PCDHA6: variants seen among roughly 807,000 people sequenced by gnomAD.
The protein encoded by PCDHA6 is protocadherin alpha-6.
A neutral mutation model predicts 60.3 loss-of-function variants in PCDHA6; 55 were observed. The observed-to-expected ratio is 0.91, with a 90% CI of 0.73 to 1.14. The LOEUF (loss-of-function observed/expected upper bound fraction) is 1.14. Among genes scored for constraint, PCDHA6 ranks in the 50% most tolerant of loss-of-function variants. PCDHA6 has a pLI of 0.00. For missense variants in PCDHA6, 1,327 were observed against 1,256.5 expected (o/e 1.06, Z -0.85); for synonymous variants, 652 against 557.9 (o/e 1.17, Z -2.38).
chr5:140,829,414 G>T lies in PCDHA6; in HGVS notation c.1323G>T (p.Leu441Phe), dbSNP rs2150167500. Residue 441 changes from leucine (L) to phenylalanine (F), a missense_variant, in exon 1 of 4, where the codon TTG becomes TTT. Transcript: ENST00000529310. The part of the protein sequence containing the change: ...GSPSLWATAS[L>F]SVEVADMNDN... ...CTTCGCTGTGGGCCACCGCCAGCTTGTCTGTGGAGGTGGCCGACATGAATG... is the reference window on the plus strand; with the variant it reads ...CTTCGCTGTGGGCCACCGCCAGCTTTTCTGTGGAGGTGGCCGACATGAATG... 5.0e-6 allele frequency: 8 copies of T among 1,614,162 alleles called. No homozygotes were observed. In the East Asian group the frequency reaches 1.8e-4, roughly 36 times the overall value.
Position 140,871,175 on chromosome 5 carries a change from C to T in PCDHA6, c.2394+40690C>T, listed in dbSNP as rs782460096. ...GCGGGCGCCGCGAGCCCAGAGGCTG[C>T]GCTGGTGGATGTCAACGTGTACCTG... is the stretch of plus-strand genomic sequence containing the variant. On this transcript the variant is annotated intron_variant, in intron 1 of 3. Transcript: ENST00000529310. 8 of 1,613,402 alleles carry T rather than the reference C, an allele frequency of 5.0e-6. No individual in the cohort carries two copies. In the African/African-American group the frequency reaches 5.3e-5, roughly 11 times the overall value.
At chr5:140,857,733 C>T (rs2044837813) in intron 1 of PCDHA6, 1 of 1,597,494 alleles carries the variant, frequency 6.3e-7, no homozygotes, top group Non-Finnish European at 8.6e-7. Flanking sequence ...GACAACGCTC[C>T]CGCGCTGCTG....
In PCDHA6 at chr5:140,828,423, A is replaced by G. The variant is rs2150155185; in HGVS notation, c.332A>G (p.Asp111Gly). The change falls in exon 1 of 4, where the codon GAC becomes GGC. Residue 111 changes from aspartate to glycine, a missense_variant. Asp to Gly is a moderately conservative substitution (Grantham distance 94, BLOSUM62 -1). Transcript: ENST00000529310. Reference protein sequence around the residue: ...ECSIHLEVIVDRPLQVFHVDV... With the variant: ...ECSIHLEVIVGRPLQVFHVDV... ...AGCATCCACCTGGAGGTGATCGTGG[A>G]CAGGCCGCTGCAGGTTTTCCATGTG... is the stretch of plus-strand genomic sequence containing the variant. The G allele has an allele frequency of 1.8e-5, 29 of 1,614,154 alleles. No homozygotes were observed.
At chr5:140,833,108 C>T (rs1340494019) in intron 1 of PCDHA6, among the ~76,000 whole-genome samples, 2 of 152,180 alleles carry the variant, frequency 1.3e-5, no homozygotes, top group African/African-American at 4.8e-5. Context: ...TTTTGACACT[C>T]TTCAAAGTCA....
intron 1 of PCDHA6, among the ~76,000 whole-genome samples, chr5:140,897,050 G>A (rs1269082503): frequency 6.6e-6 from 1 of 152,014 alleles, no homozygotes; most frequent in Non-Finnish European, 1.5e-5. Flanking sequence ...CTATTCTGCT[G>A]TCAAATACTA....
intron 3 of PCDHA6, among the ~76,000 whole-genome samples, chr5:140,984,944 TC>T (rs1554246626): frequency 6.6e-6 from 1 of 151,930 alleles, no homozygotes; most frequent in Non-Finnish European, 1.5e-5. Flanking sequence ...AAATGTCTAA[TC>T]TTTTTTTTTT....
At chr5:140,882,058 C>G (rs1190027185) in intron 1 of PCDHA6, 4 of 794,854 alleles carry the variant, frequency 5.0e-6, no homozygotes, top group Non-Finnish European at 7.7e-6. Flanking sequence ...CTTACACTTA[C>G]ACGTTCATGC....
intron 1 of PCDHA6, among the ~76,000 whole-genome samples, chr5:140,900,300 A>G (rs1554189024): frequency 6.6e-6 from 1 of 151,644 alleles, no homozygotes; most frequent in Non-Finnish European, 1.5e-5. Flanking sequence ...GTTTTTTTAG[A>G]CAGTCTCACT....
At chr5:140,870,938 C>T in intron 1 of PCDHA6, 5 of 1,613,724 alleles carry the variant, frequency 3.1e-6, no homozygotes, top group East Asian at 2.2e-5. Flanking sequence ...GAATTGCAGC[C>T]GGCGGCGGGC....
chr5:140,896,847 A>G (rs892276664), intron 1 of PCDHA6, among the ~76,000 whole-genome samples: 5 of 152,064 alleles, frequency 3.3e-5, no homozygotes, highest in African/African-American at 4.8e-5. Flanking sequence ...TTTTAATTTT[A>G]TGGGTACATA....
intron 1 of PCDHA6, chr5:140,869,717 C>A: frequency 6.2e-7 from 1 of 1,613,364 alleles, no homozygotes. Context: ...AGAGAGAAAA[C>A]TCCGGAACTT....
chr5:140,952,903 C>T (rs896493880), intron 1 of PCDHA6, among the ~76,000 whole-genome samples: 4 of 152,092 alleles, frequency 2.6e-5, no homozygotes, highest in African/African-American at 7.2e-5. Flanking sequence ...GGGAATCAAG[C>T]TCATCTTACA....
chr5:140,943,346 G>C (rs2153662502), intron 1 of PCDHA6, among the ~76,000 whole-genome samples: 1 of 151,738 alleles, frequency 6.6e-6, no homozygotes, highest in East Asian at 1.9e-4. Context: ...GACAGGATGA[G>C]AGTAGAGGAA....
intron 1 of PCDHA6, chr5:140,876,583 C>T: frequency 1.9e-6 from 3 of 1,614,194 alleles, no homozygotes; most frequent in Non-Finnish European, 2.5e-6. Flanking sequence ...CGTCATTGCC[C>T]TGATTAGCGT....
At chr5:140,895,341 T>C (rs996566433) in intron 1 of PCDHA6, among the ~76,000 whole-genome samples, 5 of 152,186 alleles carry the variant, frequency 3.3e-5, no homozygotes, top group African/African-American at 1.2e-4. Flanking sequence ...TGTTTTACTA[T>C]GCTTTCCAGT....
intron 1 of PCDHA6, chr5:140,853,448 G>C: frequency 1.0e-6 from 1 of 980,734 alleles, no homozygotes; most frequent in Non-Finnish European, 1.2e-6. Context: ...TTGCCTAATA[G>C]GTCTCCTTAT....
chr5:140,842,564 C>A (rs781893579), intron 1 of PCDHA6: 1 of 1,500,320 alleles, frequency 6.7e-7, no homozygotes, highest in South Asian at 1.2e-5. Flanking sequence ...CGCCCTGGAC[C>A]GCGAGAGAGT....
At chr5:140,968,463 A>G (rs1012242019) in intron 1 of PCDHA6, 6 of 1,613,994 alleles carry the variant, frequency 3.7e-6, no homozygotes, top group Middle Eastern at 1.6e-4. Context: ...GTGACTGCCA[A>G]CGTATATGTG....
At position 140,848,366 on chromosome 5, in the gene PCDHA6, G is replaced by A. The variant is rs2150409597; in HGVS notation, c.2394+17881G>A. ...TACAGCCCTTTTCCCATGGGAAAGA[G>A]GCTCAATTCTTTTTCACTCTCTCTG... On this transcript the variant is annotated intron_variant, in intron 1 of 3. Transcript: ENST00000529310. 4.6e-5 allele frequency: 50 copies of A among 1,096,168 alleles called. 2 individuals are homozygous for A. The highest frequency in any genetic ancestry group is 2.3e-5 in the Admixed American group (1 of 42,774). The allele number at this position is 1,096,168 out of a possible 1,614,324, so 67.9% of individuals were successfully genotyped here.
Sources: allele counts gnomAD v4.1 joint callset (sites outside exome capture counted in the v4.1 genomes callset), GRCh38; gene constraint gnomAD v4.1.1; transcripts MANE v1.5; gene names NCBI Gene and HGNC (gene_info 2026-07-23, HGNC 2026-07-21).